RPS6KC1: variants seen among roughly 807,000 people sequenced by gnomAD.
RPS6KC1 encodes ribosomal protein S6 kinase C1.
In RPS6KC1, 54 loss-of-function variants were observed where a neutral mutation model predicts 103.8. The observed-to-expected ratio is 0.52, with a 90% CI of 0.42 to 0.65. The LOEUF is 0.65. RPS6KC1 is among the 30% of genes least tolerant of loss of function. RPS6KC1 has a pLI of 0.00. For synonymous variants in RPS6KC1, 439 were observed against 438.7 expected, an observed-to-expected ratio of 1.00 and a Z score of -0.01; for missense variants, 1,151 against 1,253.8, an observed-to-expected ratio of 0.92 and a Z score of 1.24.
chr1:213,589,642 CAAAAA>C, the RPS6KC1 span, among the ~76,000 whole-genome samples: 3,567 of 129,098 alleles, frequency 0.028, 146 homozygotes, highest in African/African-American at 0.098. Flanking sequence ...AACTCTGTTT[CAAAAA>C]AAAAAAAAAA....
chr1:213,055,372 T>C (rs911766423), intron 1 of RPS6KC1, among the ~76,000 whole-genome samples: 2 of 152,202 alleles, frequency 1.3e-5, no homozygotes, highest in South Asian at 4.1e-4. Context: ...TTATTTGAGA[T>C]TTATCCATGT....
At chr1:213,300,158 T>G in the RPS6KC1 span, among the ~76,000 whole-genome samples, 2 of 152,236 alleles carry the variant, frequency 1.3e-5, no homozygotes, top group African/African-American at 4.8e-5. Context: ...TGAAATATAG[T>G]CCTGCCAAAA....
chr1:213,484,360 T>G, the RPS6KC1 span, among the ~76,000 whole-genome samples: 1 of 152,330 alleles, frequency 6.6e-6, no homozygotes, highest in South Asian at 2.1e-4. Context: ...GGGAAGGATC[T>G]TCTTCCATGC....
the RPS6KC1 span, among the ~76,000 whole-genome samples, chr1:213,285,659 T>C: frequency 6.6e-6 from 1 of 152,168 alleles, no homozygotes; most frequent in Non-Finnish European, 1.5e-5. Flanking sequence ...GTGGTGGTGG[T>C]ATTGTTATTT....
At chr1:213,328,749 A>T in the RPS6KC1 span, among the ~76,000 whole-genome samples, 2 of 151,884 alleles carry the variant, frequency 1.3e-5, no homozygotes, top group Non-Finnish European at 2.9e-5. Context: ...TGTGTCATTT[A>T]CTGCCTTATT....
the RPS6KC1 span, among the ~76,000 whole-genome samples, chr1:213,766,205 G>T: frequency 6.6e-6 from 1 of 152,150 alleles, no homozygotes; most frequent in Non-Finnish European, 1.5e-5. Context: ...TTTGACCAAG[G>T]CTTGTTTAAC....
At chr1:213,174,815 C>T (rs752211742) in intron 7 of RPS6KC1, among the ~76,000 whole-genome samples, 2 of 151,772 alleles carry the variant, frequency 1.3e-5, no homozygotes, top group South Asian at 2.1e-4. Flanking sequence ...GAAATATATC[C>T]GTTTTTTTTA....
chr1:213,091,840 T>C (rs542169779), intron 3 of RPS6KC1, among the ~76,000 whole-genome samples: 6 of 152,334 alleles, frequency 3.9e-5, no homozygotes, highest in African/African-American at 9.6e-5. Context: ...TGAATAGTTA[T>C]AGTTTGTTTC....
chr1:213,129,687 T>C lies in RPS6KC1; in HGVS notation c.633T>C (p.Ser211=), dbSNP rs781017308. The C allele has an allele frequency of 1.2e-6, 2 of 1,613,898 alleles. No homozygotes were observed. The highest frequency in any genetic ancestry group is 2.2e-5 in the East Asian group (1 of 44,882). The change falls in exon 6 of 15, where the codon AGT becomes AGC. Residue 211 remains serine (S), a synonymous_variant. Coordinates refer to ENST00000366960, the MANE Select transcript of RPS6KC1 (RefSeq NM_012424.6). The part of the protein sequence containing the change: ...SSALGAVASD[S]EQSKTEEERE... Reference sequence around the variant, plus strand: ...CACTAGGGGCTGTTGCTTCTGACAGTGAACAGAGCAAAACAGAAGAAGAAC... The same window carrying C: ...CACTAGGGGCTGTTGCTTCTGACAGCGAACAGAGCAAAACAGAAGAAGAAC...
the RPS6KC1 span, among the ~76,000 whole-genome samples, chr1:213,445,285 C>T: frequency 2.0e-5 from 3 of 152,280 alleles, no homozygotes; most frequent in East Asian, 1.9e-4. Context: ...AATGCTTCTG[C>T]GAACATTTCA....
At chr1:213,818,492 A>G in the RPS6KC1 span, 2 of 152,222 alleles carry the variant, frequency 1.3e-5, no homozygotes, top group Non-Finnish European at 2.9e-5. Context: ...CCGAAGCCTA[A>G]TCCAAAAAAT....
At chr1:213,619,580 A>C in the RPS6KC1 span, among the ~76,000 whole-genome samples, 1 of 152,210 alleles carries the variant, frequency 6.6e-6, no homozygotes, top group Non-Finnish European at 1.5e-5. Context: ...TCACTAATTC[A>C]GCCTTGGAGA....
At chr1:213,389,809 A>T in the RPS6KC1 span, among the ~76,000 whole-genome samples, 1 of 152,078 alleles carries the variant, frequency 6.6e-6, no homozygotes, top group East Asian at 1.9e-4. Context: ...ATCTGGGTTT[A>T]TCTCCTGCTC....
intron 4 of RPS6KC1, among the ~76,000 whole-genome samples, chr1:213,115,501 C>G (rs2083487766): frequency 6.6e-6 from 1 of 152,132 alleles, no homozygotes; most frequent in Admixed American, 6.5e-5. Context: ...TTTCAAAAAA[C>G]CAGCTCCTGG....
chr1:213,263,784 G>A (rs1289126312), intron 14 of RPS6KC1, among the ~76,000 whole-genome samples: 1 of 152,168 alleles, frequency 6.6e-6, no homozygotes, highest in African/African-American at 2.4e-5. Flanking sequence ...ATACCACATG[G>A]AAATTGATAA....
chr1:213,500,456 A>G, the RPS6KC1 span, among the ~76,000 whole-genome samples: 1 of 152,216 alleles, frequency 6.6e-6, no homozygotes, highest in Non-Finnish European at 1.5e-5. Context: ...ATATAAGTAG[A>G]AGGAGTACAC....
chr1:213,629,198 T>C, the RPS6KC1 span, among the ~76,000 whole-genome samples: 111 of 152,252 alleles, frequency 7.3e-4, 4 homozygotes, highest in South Asian at 0.022. Flanking sequence ...AAGTCTCCCA[T>C]TATTAATGTG....
At chr1:213,277,518 G>C (rs1380438307), downstream of RPS6KC1, among the ~76,000 whole-genome samples, 3 of 152,244 alleles carry the variant, frequency 2.0e-5, no homozygotes, top group Non-Finnish European at 4.4e-5. Flanking sequence ...TGGAGCAATA[G>C]AGAGCCTTCT....
At chr1:213,454,528 A>G in the RPS6KC1 span, among the ~76,000 whole-genome samples, 1 of 152,234 alleles carries the variant, frequency 6.6e-6, no homozygotes, top group Non-Finnish European at 1.5e-5. Context: ...GTGGCTAGAC[A>G]ATCTTGATAA....
Sources: allele counts gnomAD v4.1 joint callset (sites outside exome capture counted in the v4.1 genomes callset), GRCh38; gene constraint gnomAD v4.1.1; transcripts MANE v1.5; gene names NCBI Gene and HGNC (gene_info 2026-07-23, HGNC 2026-07-21).